The following CNTN5 variants were observed in gnomAD, a reference collection of about 807,000 sequenced individuals.
CNTN5 encodes the protein contactin-5.
A neutral mutation model predicts 129.1 loss-of-function variants in CNTN5; 77 were observed. The observed-to-expected ratio is 0.60, with a 90% CI of 0.50 to 0.72. The LOEUF (loss-of-function observed/expected upper bound fraction) is 0.72. Ranked by LOEUF, CNTN5 falls within the 30% of genes least tolerant of loss-of-function variation. The pLI, the probability that CNTN5 is intolerant of heterozygous loss-of-function variation, is 0.00. For missense variants in CNTN5, 1,478 were observed against 1,328.8 expected (o/e 1.11, Z -1.75); for synonymous variants, 509 against 465.6 (o/e 1.09, Z -1.20).
chr11:99,486,723 ATT>A (rs1408215653), intron 2 of CNTN5, among the ~76,000 whole-genome samples: 1 of 152,134 alleles, frequency 6.6e-6, no homozygotes, highest in South Asian at 2.1e-4. Context: ...TGATTTTTGC[ATT>A]GTTGTTGTTG....
chr11:99,414,956 T>C (rs1942581700), intron 2 of CNTN5, among the ~76,000 whole-genome samples: 1 of 152,222 alleles, frequency 6.6e-6, no homozygotes, highest in Non-Finnish European at 1.5e-5. Flanking sequence ...TATAAATATC[T>C]GAACTATTTT....
At chr11:100,211,696 G>T (rs953664487) in intron 15 of CNTN5, among the ~76,000 whole-genome samples, 1 of 152,106 alleles carries the variant, frequency 6.6e-6, no homozygotes, top group East Asian at 1.9e-4. Flanking sequence ...TAAACACTTA[G>T]CTTTGTACTT....
intron 9 of CNTN5, among the ~76,000 whole-genome samples, chr11:100,013,850 C>T (rs1825583354): frequency 6.6e-6 from 1 of 152,156 alleles, no homozygotes; most frequent in African/African-American, 2.4e-5. Flanking sequence ...CTCATTCTAT[C>T]TCATATGTTT....
At chr11:99,529,955 A>G (rs979470992) in intron 2 of CNTN5, among the ~76,000 whole-genome samples, 2 of 152,204 alleles carry the variant, frequency 1.3e-5, no homozygotes, top group Non-Finnish European at 2.9e-5. Context: ...CTTTAATAAG[A>G]AAAACAAAAA....
chr11:100,094,982 A>G (rs1295828613), intron 13 of CNTN5, among the ~76,000 whole-genome samples: 1 of 152,158 alleles, frequency 6.6e-6, no homozygotes, highest in Non-Finnish European at 1.5e-5. Flanking sequence ...CTTTGCACAA[A>G]TATATTTAAA....
chr11:99,234,544 C>CA (rs1314692370), intron 1 of CNTN5, among the ~76,000 whole-genome samples: 2 of 151,700 alleles, frequency 1.3e-5, no homozygotes, highest in Non-Finnish European at 2.9e-5. Flanking sequence ...CTGTACATAT[C>CA]ATACCATTGA....
chr11:99,071,201 G>C (rs962022222), intron 1 of CNTN5, among the ~76,000 whole-genome samples: 30 of 152,048 alleles, frequency 2.0e-4, no homozygotes, highest in Non-Finnish European at 4.4e-5. Flanking sequence ...ATATATACTA[G>C]AGGTCACTCT....
intron 1 of CNTN5, among the ~76,000 whole-genome samples, chr11:99,075,178 A>T (rs1015839091): frequency 6.6e-6 from 1 of 152,196 alleles, no homozygotes; most frequent in Non-Finnish European, 1.5e-5. Context: ...CATCATTGAA[A>T]ATCACATTTT....
intron 4 of CNTN5, among the ~76,000 whole-genome samples, chr11:99,834,965 G>C (rs553548924): frequency 7.9e-5 from 12 of 152,288 alleles, no homozygotes; most frequent in African/African-American, 2.4e-4. Context: ...AAGCTATCCA[G>C]AGTAATTCAG....
intron 1 of CNTN5, among the ~76,000 whole-genome samples, chr11:99,144,980 A>G (rs1859706080): frequency 6.6e-6 from 1 of 151,732 alleles, no homozygotes; most frequent in South Asian, 2.1e-4. Context: ...TTGCTTTTCC[A>G]TGTCTCTTTT....
At chr11:99,841,485 A>G (rs1163865488) in intron 4 of CNTN5, among the ~76,000 whole-genome samples, 1 of 152,046 alleles carries the variant, frequency 6.6e-6, no homozygotes, top group Non-Finnish European at 1.5e-5. Context: ...ATTAGAAATG[A>G]CTATGATACT....
At chr11:100,090,760 G>C (rs1408092398) in intron 13 of CNTN5, among the ~76,000 whole-genome samples, 1 of 151,516 alleles carries the variant, frequency 6.6e-6, no homozygotes, top group Non-Finnish European at 1.5e-5. Flanking sequence ...ATCTATCATT[G>C]ATTTATATTT....
intron 3 of CNTN5, among the ~76,000 whole-genome samples, chr11:99,580,401 A>C (rs992660737): frequency 2.6e-5 from 4 of 152,190 alleles, no homozygotes; most frequent in African/African-American, 9.7e-5. Flanking sequence ...TTTCAGAAGG[A>C]ATGGTACCAG....
At chr11:99,623,918 C>T (rs1951041856) in intron 3 of CNTN5, among the ~76,000 whole-genome samples, 1 of 152,016 alleles carries the variant, frequency 6.6e-6, no homozygotes, top group African/African-American at 2.4e-5. Context: ...TTTAAAAATA[C>T]TGTTTAATGA....
intron 3 of CNTN5, among the ~76,000 whole-genome samples, chr11:99,789,074 C>CA (rs1178748152): frequency 6.6e-6 from 1 of 151,116 alleles, no homozygotes; most frequent in African/African-American, 2.4e-5. Context: ...TTCTAAGAAA[C>CA]AAACAAAAAA....
intron 18 of CNTN5, among the ~76,000 whole-genome samples, chr11:100,294,049 G>A (rs898247113): frequency 1.3e-5 from 2 of 151,334 alleles, no homozygotes; most frequent in Non-Finnish European, 1.5e-5. Context: ...TCATTCTTCA[G>A]CACCTTTCTT....
At chr11:99,493,450 T>C (rs1053033769) in intron 2 of CNTN5, among the ~76,000 whole-genome samples, 1 of 152,230 alleles carries the variant, frequency 6.6e-6, no homozygotes, top group Non-Finnish European at 1.5e-5. Flanking sequence ...TATCGATAAT[T>C]CTATACCTTT....
chr11:100,096,880 C>CT (rs1341794432), intron 13 of CNTN5, among the ~76,000 whole-genome samples: 2 of 152,114 alleles, frequency 1.3e-5, no homozygotes, highest in Non-Finnish European at 2.9e-5. Context: ...AGAGACTACA[C>CT]AGTAGATGGA....
At chr11:100,316,135 T>C (rs1951568334) in intron 21 of CNTN5, among the ~76,000 whole-genome samples, 1 of 152,204 alleles carries the variant, frequency 6.6e-6, no homozygotes, top group Non-Finnish European at 1.5e-5. Context: ...TTTATGTGCA[T>C]ACAAATTCAG....
Sources: gnomAD v4.1 joint callset for allele counts (sites outside exome capture counted in the v4.1 genomes callset) on GRCh38, gnomAD v4.1.1 for gene constraint, MANE v1.5 for transcripts, NCBI Gene and HGNC (gene_info 2026-07-23, HGNC 2026-07-21) for gene names.